KCNG2: variants seen among roughly 807,000 people sequenced by gnomAD.
The protein encoded by KCNG2 is potassium voltage-gated channel modifier subfamily G member 2.
KCNG2 carries 7 observed loss-of-function variants against 12.3 expected under a neutral mutation model. The observed-to-expected ratio is 0.57, with a 90% CI of 0.32 to 1.07. KCNG2 has a LOEUF of 1.07. KCNG2 is among the 50% of genes least tolerant of loss of function. KCNG2 has a pLI of 0.04. For missense variants in KCNG2, 703 were observed against 726.0 expected (o/e 0.97, Z 0.36); for synonymous variants, 414 against 351.4 (o/e 1.18, Z -1.99).
chr18:79,892,342 G>C (rs947570760), intron 3 of KCNG2, among the ~76,000 whole-genome samples: 1 of 152,138 alleles, frequency 6.6e-6, no homozygotes, highest in East Asian at 1.9e-4. Context: ...TTGTCTATTA[G>C]TACAGTCATT....
At chr18:79,870,775 A>C (rs544104308) in intron 3 of KCNG2, among the ~76,000 whole-genome samples, 7 of 152,208 alleles carry the variant, frequency 4.6e-5, no homozygotes, top group African/African-American at 9.7e-5. Context: ...CACTGAGAAC[A>C]TTTTTGCAAC....
At chr18:79,832,211 CCCTTCCTCACCCCT>C (rs1978299986) in intron 1 of KCNG2, among the ~76,000 whole-genome samples, 1 of 150,446 alleles carries the variant, frequency 6.6e-6, no homozygotes, top group Admixed American at 6.6e-5. Flanking sequence ...TCCTCACCTG[CCCTTCCTCACCCCT>C]CCTTCCTCAC....
At chr18:79,864,585 G>A (rs67290479) in intron 3 of KCNG2, among the ~76,000 whole-genome samples, 53,363 of 151,894 alleles carry the variant, frequency 0.35, 11,094 homozygotes, top group Non-Finnish European at 0.45. Flanking sequence ...GCCGGAAACT[G>A]CTCAGCCCAT....
chr18:79,803,135 G>A lies in KCNG2; in HGVS notation c.-115+5121G>A, dbSNP rs1054703381. Reference sequence around the variant, plus strand: ...GGAGCTTGCAGTGAGCCGAGATCGCGCCACTGCACTCCAGCCTGGGTGACA... The same window carrying A: ...GGAGCTTGCAGTGAGCCGAGATCGCACCACTGCACTCCAGCCTGGGTGACA... On this transcript the variant is annotated intron_variant, in intron 1 of 3. Coordinates refer to ENST00000316249, the MANE Select transcript of KCNG2 (RefSeq NM_012283.2). This position sits in a 1 kb window ranked among gnomAD's most constrained non-coding sequence, Gnocchi z 4.5. Among the ~76,000 whole-genome samples the A allele has an allele frequency of 3.9e-5, 6 of 152,120 alleles. No homozygotes were observed. Among genetic ancestry groups the A allele is most frequent in the South Asian group, 2.1e-4 (1 of 4,828 alleles).
At chr18:79,855,204 G>C (rs1422711009) in intron 1 of KCNG2, among the ~76,000 whole-genome samples, 1 of 152,136 alleles carries the variant, frequency 6.6e-6, no homozygotes, top group African/African-American at 2.4e-5. Flanking sequence ...TTTAGTTTCA[G>C]TTCATCTTGG....
In KCNG2 at chr18:79,864,307, G is replaced by A. The variant is rs1460705688; in HGVS notation, c.624+16G>A. The A allele has an allele frequency of 6.6e-7, 1 of 1,512,804 alleles. No homozygotes were observed. The highest frequency in any genetic ancestry group is 8.8e-7 in the Non-Finnish European group (1 of 1,136,314). The allele number at this position is 1,512,804 out of a possible 1,614,324, so 93.7% of individuals were successfully genotyped here. A position where few individuals can be genotyped will look rare whatever the true frequency, so the allele number is the denominator to read the frequency against. On this transcript the variant is annotated intron_variant, in intron 3 of 3. Coordinates refer to ENST00000316249, the MANE Select transcript of KCNG2 (RefSeq NM_012283.2). The stretch of plus-strand genomic sequence containing the variant: ...GGAGGAGCGGGTGAGCGCGGCCGGG[G>A]GTGGCGGGGACCGGGCCGGAGCTGG...
At chr18:79,855,769 G>T (rs1978988800) in intron 1 of KCNG2, among the ~76,000 whole-genome samples, 1 of 152,052 alleles carries the variant, frequency 6.6e-6, no homozygotes, top group Admixed American at 6.6e-5. Flanking sequence ...GTTCACCTCT[G>T]TCGTCACTGA....
intron 1 of KCNG2, among the ~76,000 whole-genome samples, chr18:79,801,280 T>C (rs985448639): frequency 6.6e-6 from 1 of 152,260 alleles, no homozygotes; most frequent in African/African-American, 2.4e-5. Context: ...ATGTTGCCTT[T>C]GTCAATTAAG....
chr18:79,811,327 A>G (rs540205137), intron 1 of KCNG2, among the ~76,000 whole-genome samples: 1 of 152,392 alleles, frequency 6.6e-6, no homozygotes, highest in South Asian at 2.1e-4. Flanking sequence ...AAAACTTACT[A>G]CAAAGCTACA....
intron 1 of KCNG2, among the ~76,000 whole-genome samples, chr18:79,810,814 T>A (rs552322541): frequency 7.8e-4 from 118 of 152,254 alleles, no homozygotes; most frequent in African/African-American, 2.8e-3. Context: ...AGTAAATATA[T>A]GCACAGTCTC....
chr18:79,867,948 C>T (rs147133689), intron 3 of KCNG2, among the ~76,000 whole-genome samples: 109 of 152,240 alleles, frequency 7.2e-4, no homozygotes, highest in African/African-American at 2.5e-3. Flanking sequence ...GAGTGCCAAT[C>T]TGACTTAAAT....
intron 2 of KCNG2, among the ~76,000 whole-genome samples, chr18:79,862,521 G>T (rs1391922911): frequency 6.6e-6 from 1 of 152,208 alleles, no homozygotes; most frequent in Non-Finnish European, 1.5e-5. Flanking sequence ...CGCAGAATCT[G>T]AAGGTCAGCC....
At chr18:79,853,779 T>A (rs1413979791) in intron 1 of KCNG2, among the ~76,000 whole-genome samples, 1 of 152,208 alleles carries the variant, frequency 6.6e-6, no homozygotes, top group East Asian at 1.9e-4. Context: ...TCAACATCTG[T>A]GCTGGGGGGA....
chr18:79,882,849 AGCGCGGAGGCCGG>A lies in KCNG2; in HGVS notation c.625-16189_625-16177del, dbSNP rs869129560. 1.8e-4 allele frequency among the ~76,000 whole-genome samples: 26 copies of A among 147,470 alleles called. 1 individual carries two copies. Among genetic ancestry groups the A allele is most frequent in the Non-Finnish European group, 3.2e-4 (21 of 66,314 alleles). ...GGAGGCCGGGTACACCTGCGCGTGG[AGCGCGGAGGCCGG>A]GTACACCTGCGCGTGGAGCGCGGAG... On this transcript the variant is annotated intron_variant, in intron 3 of 3. Coordinates refer to ENST00000316249, the MANE Select transcript of KCNG2 (RefSeq NM_012283.2).
At chr18:79,897,719 G>T (rs79222130) in intron 3 of KCNG2, among the ~76,000 whole-genome samples, 5,793 of 151,868 alleles carry the variant, frequency 0.038, 384 homozygotes, top group African/African-American at 0.13. Context: ...TCCCCATCCT[G>T]GGCCTGTTAT....
Position 79,863,792 on chromosome 18 carries a change from G to A in KCNG2, c.125G>A (p.Arg42His), listed in dbSNP as rs749338394. Residue 42 changes from arginine to histidine, a missense_variant, in exon 3 of 4, where the codon CGC becomes CAC. By Grantham distance (29) the Arg-to-His change is conservative. Transcript: ENST00000316249. ...WAALARCPLA[R>H]LERLRACRGH... ...GCGCTGGCGCGATGCCCCCTCGCGC[G>A]CCTGGAGCGCCTGCGCGCCTGCCGC... The A allele has an allele frequency of 3.8e-6, 5 of 1,300,080 alleles. No individual in the cohort carries two copies. Among genetic ancestry groups the A allele is most frequent in the South Asian group, 1.8e-5 (1 of 55,982 alleles). 80.5% of individuals were successfully genotyped at this position (1,300,080 alleles called of 1,614,324 possible). A position where few individuals can be genotyped will look rare whatever the true frequency, so the allele number is the denominator to read the frequency against.
Position 79,882,227 on chromosome 18 carries a change from C to T in KCNG2, c.625-16813C>T, listed in dbSNP as rs114087023. On this transcript the variant is annotated intron_variant, in intron 3 of 3. Transcript: ENST00000316249. ...CTTCACTTCATTAGAATCTAAAACTCCTGGCCTAGTTGGGGTCTCAGGCCT... is the reference window on the plus strand; with the variant it reads ...CTTCACTTCATTAGAATCTAAAACTTCTGGCCTAGTTGGGGTCTCAGGCCT... Among the ~76,000 whole-genome samples the T allele has an allele frequency of 6.9e-3, 1,057 of 152,280 alleles. 16 individuals are homozygous for T. Among genetic ancestry groups the T allele is most frequent in the African/African-American group, 0.024 (1,008 of 41,568 alleles).
chr18:79,843,311 G>A (rs1334566954), intron 1 of KCNG2, among the ~76,000 whole-genome samples: 1 of 152,158 alleles, frequency 6.6e-6, no homozygotes, highest in Non-Finnish European at 1.5e-5. Flanking sequence ...AAAGCTTAGG[G>A]AGTTTATCAC....
chr18:79,849,957 C>T (rs540546130), intron 1 of KCNG2, among the ~76,000 whole-genome samples: 1 of 151,928 alleles, frequency 6.6e-6, no homozygotes, highest in African/African-American at 2.4e-5. Context: ...TGGGAGGGAA[C>T]GGAGACCCCA....
Sources: allele counts gnomAD v4.1 joint callset (sites outside exome capture counted in the v4.1 genomes callset), GRCh38; gene constraint gnomAD v4.1.1; non-coding constraint Gnocchi (gnomAD v3.1); transcripts MANE v1.5; gene names NCBI Gene and HGNC (gene_info 2026-07-23, HGNC 2026-07-21).